ZFHX3: variants seen among roughly 807,000 people sequenced by gnomAD.
ZFHX3 encodes zinc finger homeobox 3.
In ZFHX3, 42 loss-of-function variants were observed where a neutral mutation model predicts 279.1. The ratio of observed to expected loss-of-function variants is 0.15; its 90% CI spans 0.12 to 0.19. The LOEUF (loss-of-function observed/expected upper bound fraction) is 0.19, where lower values mean the gene tolerates loss of function less well. Among genes scored for constraint, ZFHX3 ranks in the 10% least tolerant of loss-of-function variants. The probability of loss-of-function intolerance (pLI) is 1.00; values close to 1 mark genes in which losing one functional copy is unlikely to be tolerated. For synonymous variants in ZFHX3, 2,293 were observed against 1,957.8 expected, an observed-to-expected ratio of 1.17 and a Z score of -4.52; for missense variants, 4,981 against 4,754.0, an observed-to-expected ratio of 1.05 and a Z score of -1.40.
At chr16:73,309,714 GA>G (rs2015278625) in intron 4 of ZFHX3, among the ~76,000 whole-genome samples, 1 of 152,186 alleles carries the variant, frequency 6.6e-6, no homozygotes, top group Non-Finnish European at 1.5e-5. Flanking sequence ...GGAACTTAGA[GA>G]AGAGAGAGTT....
chr16:73,371,822 C>T (rs1453118504), intron 3 of ZFHX3, among the ~76,000 whole-genome samples: 1 of 152,226 alleles, frequency 6.6e-6, no homozygotes, highest in Non-Finnish European at 1.5e-5. Flanking sequence ...GTAAATAGTT[C>T]AAAGTCTCTC....
intron 6 of ZFHX3, chr16:73,137,497 T>A (rs2144828510): frequency 6.6e-6 from 1 of 152,260 alleles, no homozygotes; most frequent in African/African-American, 2.4e-5. Flanking sequence ...TTATTTTGTT[T>A]CCGTTTTAGT....
At chr16:73,719,885 C>T (rs941866101) in intron 1 of ZFHX3, among the ~76,000 whole-genome samples, 8 of 152,118 alleles carry the variant, frequency 5.3e-5, no homozygotes, top group Admixed American at 1.3e-4. Context: ...TGCCTGCCTC[C>T]GCCTCCTAAA....
In ZFHX3 at chr16:72,797,735, G is replaced by A. The variant is rs977145750; in HGVS notation, c.4947C>T (p.Ser1649=). Residue 1649 remains serine (S), a synonymous_variant, in exon 9 of 10, where the codon TCC becomes TCT. Transcript: ENST00000268489. ...TGGTGCTCACAGGACTTGGCGTGGA[G>A]GAGCTCAAGGAAATACTGCTGCTGT... is the stretch of plus-strand genomic sequence containing the variant. ...TGNSSSISLS[S]STPSPVSTSG... 8.1e-6 allele frequency: 13 copies of A among 1,614,012 alleles called. No homozygotes were observed. Among genetic ancestry groups the A allele is most frequent in the Non-Finnish European group, 1.1e-5 (13 of 1,180,036 alleles).
At chr16:73,117,446 G>C (rs1006501672) in intron 7 of ZFHX3, among the ~76,000 whole-genome samples, 2 of 152,170 alleles carry the variant, frequency 1.3e-5, no homozygotes, top group Non-Finnish European at 2.9e-5. Flanking sequence ...ATAGAGATTT[G>C]GGGCCAGAAA....
At chr16:73,418,220 G>A (rs955892523) in intron 3 of ZFHX3, among the ~76,000 whole-genome samples, 1 of 152,242 alleles carries the variant, frequency 6.6e-6, no homozygotes, top group Non-Finnish European at 1.5e-5. Flanking sequence ...AAACTTCTGA[G>A]AATAAGCCCC....
chr16:73,743,695 T>A (rs1319714679), intron 1 of ZFHX3, among the ~76,000 whole-genome samples: 2 of 152,200 alleles, frequency 1.3e-5, no homozygotes, highest in African/African-American at 4.8e-5. Flanking sequence ...CCGTATTTGT[T>A]ATCAGAATGA....
intron 3 of ZFHX3, among the ~76,000 whole-genome samples, chr16:73,409,884 A>C (rs555315413): frequency 6.6e-6 from 1 of 151,730 alleles, no homozygotes; most frequent in East Asian, 2.0e-4. Flanking sequence ...ACATGTTCTC[A>C]CCTACTTGTG....
At chr16:73,101,418 AC>A (rs577385665) in intron 7 of ZFHX3, among the ~76,000 whole-genome samples, 48 of 152,154 alleles carry the variant, frequency 3.2e-4, no homozygotes, top group African/African-American at 1.1e-3. Context: ...TTGCTCTGTC[AC>A]CTAGGCTGGA....
intron 3 of ZFHX3, among the ~76,000 whole-genome samples, chr16:72,944,698 T>C (rs946793882): frequency 1.3e-5 from 2 of 152,196 alleles, no homozygotes; most frequent in Non-Finnish European, 2.9e-5. Flanking sequence ...TTACTTTAAC[T>C]GTAAAAAATA....
At chr16:73,770,634 T>A (rs1377680876) in intron 1 of ZFHX3, among the ~76,000 whole-genome samples, 3 of 152,354 alleles carry the variant, frequency 2.0e-5, no homozygotes, top group African/African-American at 7.2e-5. Flanking sequence ...ATAGCATTGC[T>A]ATCTGGAACA....
At chr16:73,051,166 G>A (rs565591317), upstream of ZFHX3, among the ~76,000 whole-genome samples, 10 of 152,230 alleles carry the variant, frequency 6.6e-5, no homozygotes, top group African/African-American at 2.2e-4. Flanking sequence ...GCACCCTTCC[G>A]GGTTCTTCTA....
chr16:72,878,825 G>A (rs1216586501), intron 4 of ZFHX3, among the ~76,000 whole-genome samples: 2 of 152,202 alleles, frequency 1.3e-5, no homozygotes, highest in African/African-American at 4.8e-5. Context: ...CCTGTCCTCA[G>A]GAACCTTCTC....
intron 4 of ZFHX3, among the ~76,000 whole-genome samples, chr16:72,852,804 C>T (rs1382557831): frequency 2.0e-5 from 3 of 152,218 alleles, no homozygotes; most frequent in African/African-American, 4.8e-5. Context: ...TAGTTTTCTC[C>T]TCCAAAGAAA....
At chr16:73,005,203 A>T (rs1963659716) in intron 1 of ZFHX3, among the ~76,000 whole-genome samples, 1 of 152,252 alleles carries the variant, frequency 6.6e-6, no homozygotes, top group Non-Finnish European at 1.5e-5. Context: ...ATAAGTTCAT[A>T]TAAAGTCTTG....
chr16:73,309,001 T>C (rs918970750), intron 4 of ZFHX3, among the ~76,000 whole-genome samples: 1 of 152,262 alleles, frequency 6.6e-6, no homozygotes, highest in Admixed American at 6.5e-5. Flanking sequence ...AGGGTTTATA[T>C]AGAAAACAAG....
intron 1 of ZFHX3, among the ~76,000 whole-genome samples, chr16:73,842,490 C>T (rs929917046): frequency 6.6e-6 from 1 of 152,078 alleles, no homozygotes; most frequent in Admixed American, 6.5e-5. Context: ...GCTAAGAGTA[C>T]AGTCTCCAGC....
intron 1 of ZFHX3, among the ~76,000 whole-genome samples, chr16:73,797,023 G>T (rs890029093): frequency 1.3e-5 from 2 of 151,904 alleles, no homozygotes; most frequent in Non-Finnish European, 2.9e-5. Context: ...CCAACATGGC[G>T]AAACCCTGTC....
At chr16:73,038,607 A>T (rs141268768) in intron 1 of ZFHX3, among the ~76,000 whole-genome samples, 13 of 152,060 alleles carry the variant, frequency 8.5e-5, no homozygotes, top group African/African-American at 2.9e-4. Flanking sequence ...TTTTAAAGTT[A>T]ATTCCACCTG....
Sources: gnomAD v4.1 joint callset for allele counts (sites outside exome capture counted in the v4.1 genomes callset) on GRCh38, gnomAD v4.1.1 for gene constraint, MANE v1.5 for transcripts, NCBI Gene and HGNC (gene_info 2026-07-23, HGNC 2026-07-21) for gene names.